NELFA: variants seen among roughly 807,000 people sequenced by gnomAD.
NELFA encodes the protein negative elongation factor A.
A neutral mutation model predicts 51.8 loss-of-function variants in NELFA; 35 were observed. That is an observed-to-expected ratio of 0.68 (90% CI 0.52 to 0.90). NELFA has a LOEUF of 0.90. Ranked by LOEUF, NELFA falls within the 40% of genes least tolerant of loss-of-function variation. The probability of loss-of-function intolerance (pLI) is 0.00; values close to 1 mark genes in which losing one functional copy is unlikely to be tolerated. For missense variants in NELFA, 658 were observed against 746.4 expected, an observed-to-expected ratio of 0.88 and a Z score of 1.38; for synonymous variants, 417 against 338.4, an observed-to-expected ratio of 1.23 and a Z score of -2.55.
Position 1,991,528 on chromosome 4 carries a change from A to C in NELFA, c.382+16T>G, listed in dbSNP as rs756218676. 1 of 1,612,688 alleles carries C rather than the reference A, an allele frequency of 6.2e-7. No individual in the cohort carries two copies. Among genetic ancestry groups the C allele is most frequent in the Non-Finnish European group, 8.5e-7 (1 of 1,179,632 alleles). Reference sequence around the variant, plus strand: ...ATTTCCCTCCACCCAACATGAATTAAAGCAGCACAACATACCCTTTTCTCT... The same window carrying C: ...ATTTCCCTCCACCCAACATGAATTACAGCAGCACAACATACCCTTTTCTCT... On this transcript the variant is annotated intron_variant, in intron 2 of 10. Transcript: ENST00000382882.
intron 1 of NELFA, among the ~76,000 whole-genome samples, chr4:1,994,401 C>T (rs1728366102): frequency 6.6e-6 from 1 of 152,002 alleles, no homozygotes; most frequent in Non-Finnish European, 1.5e-5. Flanking sequence ...CCCATCTCTA[C>T]TGAAAATACA....
intron 1 of NELFA, among the ~76,000 whole-genome samples, chr4:1,994,670 A>C (rs1728374159): frequency 6.6e-6 from 1 of 151,918 alleles, no homozygotes; most frequent in African/African-American, 2.4e-5. Flanking sequence ...CCTGGCTAAC[A>C]CAGTGAAACC....
intron 8 of NELFA, 58 bp downstream of exon 8, chr4:1,984,738 AGCGCCCGTGGGC>A: frequency 1.8e-6 from 2 of 1,116,618 alleles, no homozygotes; most frequent in Non-Finnish European, 2.6e-6. Flanking sequence ...CAGCCCTGGC[AGCGCCCGTGGGC>A]AAGGTCATGT....
chr4:2,002,502 C>A (rs1460558117), intron 1 of NELFA, among the ~76,000 whole-genome samples: 2 of 152,162 alleles, frequency 1.3e-5, no homozygotes, highest in African/African-American at 4.8e-5. Context: ...GCTACAGTAA[C>A]CAAAACAGCA....
intron 8 of NELFA, 108 bp downstream of exon 8, chr4:1,984,700 G>A (rs562917493): frequency 5.4e-6 from 4 of 738,726 alleles, no homozygotes; most frequent in Non-Finnish European, 8.9e-6. Context: ...GCAGAAGGGG[G>A]ACAACAGAGA....
chr4:1,986,569 G>A, intron 4 of NELFA, 167 bp from the exon 5 acceptor site: 1 of 1,097,306 alleles, frequency 9.1e-7, no homozygotes. Flanking sequence ...TCAAGGAGCA[G>A]GGGAACGCCT....
chr4:1,988,594 C>T (rs1444245010), intron 3 of NELFA, among the ~76,000 whole-genome samples: 1 of 152,212 alleles, frequency 6.6e-6, no homozygotes. Flanking sequence ...GGCTGCTGCC[C>T]GTTCCAGCCA....
At chr4:1,992,803 GT>G (rs1358320582) in intron 1 of NELFA, among the ~76,000 whole-genome samples, 2 of 152,190 alleles carry the variant, frequency 1.3e-5, no homozygotes, top group Non-Finnish European at 2.9e-5. Flanking sequence ...GAGATCAGAG[GT>G]CGTGCCAGGG....
At chr4:2,008,723 G>C (rs1308201354) in intron 1 of NELFA, 27 bp downstream of exon 1, 1 of 1,581,982 alleles carries the variant, frequency 6.3e-7, no homozygotes, top group Non-Finnish European at 8.6e-7. Context: ...GGAATCTGGG[G>C]GCCGCGGGGC....
At chr4:1,997,106 T>A (rs1728446764) in intron 1 of NELFA, among the ~76,000 whole-genome samples, 1 of 151,894 alleles carries the variant, frequency 6.6e-6, no homozygotes, top group South Asian at 2.1e-4. Flanking sequence ...AGTGACACTA[T>A]GCATTAAAAC....
At chr4:2,007,382 G>C (rs1461809252) in intron 1 of NELFA, among the ~76,000 whole-genome samples, 1 of 152,142 alleles carries the variant, frequency 6.6e-6, no homozygotes, top group Non-Finnish European at 1.5e-5. Context: ...AAAGCTAAGC[G>C]TGTCACTGTG....
In NELFA at chr4:1,983,414, T is replaced by G; in HGVS notation, c.1492A>C (p.Thr498Pro). The change falls in exon 11 of 11, where the codon ACA (threonine) becomes CCA (proline). Residue 498 changes from threonine to proline, a missense_variant. Around this residue, in one of 3 missense-constraint regions of NELFA, gnomAD observed 87 missense variants for 130.2 expected, o/e 0.67. Transcript: ENST00000382882. ...DLPKADGQGSTTMLVDTVFEM... is the reference protein window; with the variant it reads ...DLPKADGQGSPTMLVDTVFEM... The stretch of plus-strand genomic sequence containing the variant: ...AACACTGTGTCCACCAGCATGGTTG[T>G]GCTACCCTGGCCGTCCGCCTTGGGC... The G allele has an allele frequency of 6.2e-7, 1 of 1,614,226 alleles. No homozygotes were observed. Among genetic ancestry groups the G allele is most frequent in the Non-Finnish European group, 8.5e-7 (1 of 1,180,040 alleles).
Position 1,983,431 on chromosome 4 carries a change from G to A in NELFA, c.1475C>T (p.Ala492Val), listed in dbSNP as rs536605199. The change falls in exon 11 of 11, where the codon GCG becomes GTG. Residue 492 changes from alanine to valine, a missense_variant. By Grantham distance (64) the Ala-to-Val change is moderately conservative. Around this residue, in one of 3 missense-constraint regions of NELFA, gnomAD observed 87 missense variants for 130.2 expected, o/e 0.67. Transcript: ENST00000382882. ...CATGGTTGTGCTACCCTGGCCGTCC[G>A]CCTTGGGCAGGTCCTCCGTGTGCTC... ...LSEHTEDLPK[A>V]DGQGSTTMLV... is the part of the protein sequence containing the mutation. 49 of 1,614,168 alleles carry A rather than the reference G, an allele frequency of 3.0e-5. No homozygotes were observed. Among genetic ancestry groups the A allele is most frequent in the Admixed American group, 1.0e-4 (6 of 60,028 alleles).
rs936269661 is a variant in NELFA, at chr4:1,989,307, C to A, written c.544+401G>T. Among the ~76,000 whole-genome samples the A allele has an allele frequency of 1.3e-5, 2 of 151,938 alleles. No homozygotes were observed. The highest frequency in any genetic ancestry group is 2.9e-5 in the Non-Finnish European group (2 of 67,982). ...TAAAGTTTAATATAGTGATAAACTT[C>A]TAACAAAAAACTTTATGCAGAACTT... On this transcript the variant is annotated intron_variant, in intron 3 of 10. Coordinates refer to ENST00000382882, the MANE Select transcript of NELFA (RefSeq NM_005663.5). This position sits in a 1 kb window ranked among gnomAD's most constrained non-coding sequence, Gnocchi z 4.8.
chr4:1,984,139 G>A (rs1010471469), intron 8 of NELFA, 26 bp from the exon 9 acceptor site: 2 of 1,512,194 alleles, frequency 1.3e-6, no homozygotes, highest in Non-Finnish European at 1.8e-6. Flanking sequence ...GGCCTGGTGA[G>A]GGGGCTGGAC....
At chr4:1,993,785 TC>T (rs1158442028) in intron 1 of NELFA, among the ~76,000 whole-genome samples, 1 of 143,312 alleles carries the variant, frequency 7.0e-6, no homozygotes, top group Non-Finnish European at 1.5e-5. Context: ...GGGAACGAGC[TC>T]CCCTGGGCCT....
chr4:1,984,613 G>A (rs1728023355), intron 8 of NELFA, among the ~76,000 whole-genome samples, 195 bp downstream of exon 8: 1 of 152,256 alleles, frequency 6.6e-6, no homozygotes, highest in African/African-American at 2.4e-5. Flanking sequence ...CGGGCAGGGT[G>A]GGGCAAAGCA....
chr4:1,998,251 A>G (rs1728484703), intron 1 of NELFA, among the ~76,000 whole-genome samples: 1 of 152,110 alleles, frequency 6.6e-6, no homozygotes, highest in South Asian at 2.1e-4. Flanking sequence ...CCAAATGATC[A>G]CAATGTCTCT....
At chr4:1,999,769 A>C (rs1320373843) in intron 1 of NELFA, among the ~76,000 whole-genome samples, 1 of 152,174 alleles carries the variant, frequency 6.6e-6, no homozygotes, top group Non-Finnish European at 1.5e-5. Context: ...TTTGAACTCA[A>C]CTCTGGATCA....
Sources: allele counts gnomAD v4.1 joint callset (sites outside exome capture counted in the v4.1 genomes callset), GRCh38; gene constraint gnomAD v4.1.1; regional missense constraint gnomAD v4.1.1; non-coding constraint Gnocchi (gnomAD v3.1); transcripts MANE v1.5; gene names NCBI Gene and HGNC (gene_info 2026-07-23, HGNC 2026-07-21).